The following PPARGC1A variants were observed in gnomAD, a reference collection of about 807,000 sequenced individuals.
The protein encoded by PPARGC1A is PPARG coactivator 1 alpha.
Under a neutral mutation model 88.7 loss-of-function variants are expected in PPARGC1A, and 25 were observed. The observed-to-expected ratio is 0.28, with a 90% CI of 0.21 to 0.39. PPARGC1A has a LOEUF of 0.39. Among genes scored for constraint, PPARGC1A ranks in the 10% least tolerant of loss-of-function variants. The probability of loss-of-function intolerance (pLI) is 1.00; values close to 1 mark genes in which losing one functional copy is unlikely to be tolerated. For missense variants in PPARGC1A, 880 were observed against 968.7 expected (o/e 0.91, Z 1.22); for synonymous variants, 363 against 355.6 (o/e 1.02, Z -0.24).
the PPARGC1A span, among the ~76,000 whole-genome samples, chr4:24,445,070 G>T: frequency 2.0e-5 from 3 of 151,952 alleles, no homozygotes; most frequent in Non-Finnish European, 4.4e-5. Context: ...AAGAGAGAGA[G>T]AGAGAGAGAA....
chr4:23,886,046 CA>C (rs1716824589), intron 1 of PPARGC1A, among the ~76,000 whole-genome samples: 1 of 152,130 alleles, frequency 6.6e-6, no homozygotes. Flanking sequence ...TGTCAGTCCG[CA>C]GACAGTAAAG....
the PPARGC1A span, among the ~76,000 whole-genome samples, chr4:24,062,644 A>C: frequency 6.6e-6 from 1 of 152,168 alleles, no homozygotes; most frequent in Non-Finnish European, 1.5e-5. Flanking sequence ...CACACAGCCC[A>C]TGGTTCTTCG....
chr4:24,026,678 C>G, the PPARGC1A span, among the ~76,000 whole-genome samples: 1 of 152,164 alleles, frequency 6.6e-6, no homozygotes, highest in South Asian at 2.1e-4. Context: ...CACGCCTCCA[C>G]CAAATAATCA....
the PPARGC1A span, among the ~76,000 whole-genome samples, chr4:24,343,104 C>T: frequency 6.6e-6 from 1 of 152,180 alleles, no homozygotes; most frequent in South Asian, 2.1e-4. Context: ...ATAGCAAAAA[C>T]CACCACTGAA....
chr4:24,060,644 G>C, the PPARGC1A span, among the ~76,000 whole-genome samples: 2 of 152,210 alleles, frequency 1.3e-5, no homozygotes, highest in Admixed American at 1.3e-4. Flanking sequence ...GCAATTTGAA[G>C]GGAGTGCTTT....
chr4:24,275,264 T>C, the PPARGC1A span, among the ~76,000 whole-genome samples: 3 of 152,180 alleles, frequency 2.0e-5, no homozygotes, highest in African/African-American at 7.2e-5. Flanking sequence ...CATCAGCATA[T>C]TACAAAAACC....
chr4:24,224,536 A>G, the PPARGC1A span, among the ~76,000 whole-genome samples: 2 of 152,192 alleles, frequency 1.3e-5, no homozygotes, highest in African/African-American at 4.8e-5. Context: ...TTTTTCAAAC[A>G]CTTATTCGTT....
In PPARGC1A at chr4:23,802,362, GGAGA is replaced by G. The variant is rs753030456; in HGVS notation, c.2020-21_2020-18del. 8 of 1,613,776 alleles carry G rather than the reference GGAGA, an allele frequency of 5.0e-6. No individual in the cohort carries two copies. Among genetic ancestry groups the G allele is most frequent in the Non-Finnish European group, 6.8e-6 (8 of 1,179,900 alleles). On this transcript the variant is annotated intron_variant, in intron 10 of 12. Transcript: ENST00000264867. The stretch of plus-strand genomic sequence containing the variant: ...GCGCTCTTCCTATGGGGGGAAGGAA[GGAGA>G]GAGTTCTGGAGTGGGAAAAAAGCTA...
chr4:24,295,258 C>T, the PPARGC1A span, among the ~76,000 whole-genome samples: 1 of 152,170 alleles, frequency 6.6e-6, no homozygotes, highest in Admixed American at 6.5e-5. Flanking sequence ...TCCATCACAA[C>T]TTTGAGAGAT....
chr4:24,259,793 ACT>A, the PPARGC1A span, among the ~76,000 whole-genome samples: 6 of 152,338 alleles, frequency 3.9e-5, no homozygotes, highest in Non-Finnish European at 5.9e-5. Context: ...TTGCTGAGAT[ACT>A]GTTATAATTA....
the PPARGC1A span, among the ~76,000 whole-genome samples, chr4:24,064,757 TTTGG>T: frequency 6.6e-6 from 1 of 152,154 alleles, no homozygotes; most frequent in Non-Finnish European, 1.5e-5. Context: ...TCTGGGGTTT[TTTGG>T]TTGGTTTGTT....
At chr4:24,229,349 A>C in the PPARGC1A span, among the ~76,000 whole-genome samples, 6 of 149,190 alleles carry the variant, frequency 4.0e-5, no homozygotes, top group African/African-American at 1.5e-4. Flanking sequence ...GGGTTTCACC[A>C]TGTTGGCCAG....
rs116056689 is a variant in PPARGC1A, at chr4:23,862,928, T to C, written c.234+21824A>G. Among the ~76,000 whole-genome samples, 811 of 152,320 alleles carry C rather than the reference T, an allele frequency of 5.3e-3. 9 individuals carry two copies. Among genetic ancestry groups the C allele is most frequent in the African/African-American group, 0.018 (767 of 41,566 alleles). ...CGTCGCATATTGTTCATGGACTTCC[T>C]TCCAATAGCAGCCGCCCCACCTGCT... On this transcript the variant is annotated intron_variant, in intron 2 of 12. Coordinates refer to ENST00000264867, the MANE Select transcript of PPARGC1A (RefSeq NM_013261.5).
the PPARGC1A span, among the ~76,000 whole-genome samples, chr4:24,062,661 C>G: frequency 6.6e-6 from 1 of 152,200 alleles, no homozygotes; most frequent in Non-Finnish European, 1.5e-5. Context: ...TTCGTCAGAG[C>G]TTTACAAGTG....
At chr4:24,094,187 C>T in the PPARGC1A span, among the ~76,000 whole-genome samples, 1,086 of 152,166 alleles carry the variant, frequency 7.1e-3, 15 homozygotes, top group African/African-American at 0.024. Flanking sequence ...AGAACAGGTG[C>T]CTTGGACAGT....
chr4:24,424,258 CTTTTTTTTTTTTT>C, the PPARGC1A span, among the ~76,000 whole-genome samples: 93 of 44,336 alleles, frequency 2.1e-3, no homozygotes, highest in East Asian at 0.045. Context: ...TATACACACA[CTTTTTTTTTTTTT>C]TTTTTTTTTT....
chr4:23,844,390 T>C (rs1407661027), intron 2 of PPARGC1A, among the ~76,000 whole-genome samples: 2 of 132,664 alleles, frequency 1.5e-5, no homozygotes, highest in East Asian at 2.1e-4. Context: ...AATATGACAA[T>C]CTATATTATT....
the PPARGC1A span, among the ~76,000 whole-genome samples, chr4:23,984,190 A>G: frequency 6.6e-6 from 1 of 151,972 alleles, no homozygotes; most frequent in African/African-American, 2.4e-5. Flanking sequence ...TGACCAACTC[A>G]TTTTCCTCCA....
chr4:24,013,845 C>T, the PPARGC1A span, among the ~76,000 whole-genome samples: 1 of 152,162 alleles, frequency 6.6e-6, no homozygotes, highest in Non-Finnish European at 1.5e-5. Context: ...GAATTAATTA[C>T]CCCCAAATAA....
Sources: gnomAD v4.1 joint callset for allele counts (sites outside exome capture counted in the v4.1 genomes callset) on GRCh38, gnomAD v4.1.1 for gene constraint, MANE v1.5 for transcripts, NCBI Gene and HGNC (gene_info 2026-07-23, HGNC 2026-07-21) for gene names.